Variants in BIRC3 observed in about 807,000 individuals in gnomAD.
BIRC3 encodes the protein baculoviral IAP repeat containing 3, also known as baculoviral IAP repeat-containing protein 3.
Under a neutral mutation model 59.0 loss-of-function variants are expected in BIRC3, and 26 were observed. That is an observed-to-expected ratio of 0.44 (90% CI 0.32 to 0.61). The LOEUF is 0.61. Among genes scored for constraint, BIRC3 ranks in the 20% least tolerant of loss-of-function variants. The probability of loss-of-function intolerance (pLI) is 0.04; values close to 1 mark genes in which losing one functional copy is unlikely to be tolerated. For missense variants in BIRC3, 641 were observed against 711.5 expected, an observed-to-expected ratio of 0.90 and a Z score of 1.13; for synonymous variants, 243 against 249.2, an observed-to-expected ratio of 0.98 and a Z score of 0.24.
chr11:102,332,030 T>C (rs1951147604), intron 6 of BIRC3, among the ~76,000 whole-genome samples: 1 of 152,216 alleles, frequency 6.6e-6, no homozygotes, highest in South Asian at 2.1e-4. Context: ...GTCCCCTACC[T>C]GTCCACACAA....
chr11:102,320,801 C>T (rs1951024109), intron 1 of BIRC3, among the ~76,000 whole-genome samples: 1 of 152,202 alleles, frequency 6.6e-6, no homozygotes, highest in Non-Finnish European at 1.5e-5. Flanking sequence ...TAGCAACAGT[C>T]TGTTATTGCT....
chr11:102,327,014 A>G (rs1298512630), intron 3 of BIRC3, among the ~76,000 whole-genome samples: 1 of 152,100 alleles, frequency 6.6e-6, no homozygotes, highest in Non-Finnish European at 1.5e-5. Context: ...GAGAGTAGCT[A>G]AGAGCTCTGA....
intron 3 of BIRC3, among the ~76,000 whole-genome samples, chr11:102,327,598 C>CCA (rs1951096817): frequency 6.6e-6 from 1 of 152,034 alleles, no homozygotes; most frequent in Non-Finnish European, 1.5e-5. Context: ...TGAGATCATC[C>CCA]CACTGCCCTC....
chr11:102,335,085 AC>A lies in BIRC3; in HGVS notation c.1325-880del, dbSNP rs535696043. On this transcript the variant is annotated intron_variant, in intron 6 of 8. Coordinates refer to ENST00000263464, the MANE Select transcript of BIRC3 (RefSeq NM_001165.5). The stretch of plus-strand genomic sequence containing the variant: ...GTGAAACCTCATCTCTACTAAAACT[AC>A]AAAAAATTAGCTGGATGTAGTGGCA... Among the ~76,000 whole-genome samples the A allele has an allele frequency of 8.5e-4, 130 of 152,272 alleles. 1 individual carries two copies. Among genetic ancestry groups the A allele is most frequent in the African/African-American group, 2.8e-3 (117 of 41,568 alleles).
chr11:102,321,015 C>T (rs1014561915), intron 1 of BIRC3, among the ~76,000 whole-genome samples: 3 of 152,310 alleles, frequency 2.0e-5, no homozygotes, highest in Admixed American at 2.0e-4. Flanking sequence ...AAGTCTCTTA[C>T]ATTTAAACAT....
Position 102,325,139 on chromosome 11 carries a change from A to G in BIRC3, c.630A>G (p.Gly210=), listed in dbSNP as rs1003530080. 5 of 1,614,054 alleles carry G rather than the reference A, an allele frequency of 3.1e-6. No individual in the cohort carries two copies. The African/African-American group carries it at 6.7e-5, about 22-fold the overall frequency. ...GAGTGGCTTGCTTTGCCTGTGGTGG[A>G]AAATTGAGCAATTGGGAACCGAAGG... ...GDRVACFACG[G]KLSNWEPKDN... The change falls in exon 2 of 9, where the codon GGA becomes GGG. Residue 210 remains glycine, a synonymous_variant. Transcript: ENST00000263464.
chr11:102,336,772 T>C lies in BIRC3; in HGVS notation c.1592T>C (p.Ile531Thr). The change falls in exon 8 of 9, where the codon ATA (isoleucine) becomes ACA (threonine). Residue 531 changes from isoleucine (I) to threonine (T), a missense_variant. Around this residue, in one of 4 missense-constraint regions of BIRC3, gnomAD observed 268 missense variants for 255.7 expected, o/e 1.05. Transcript: ENST00000263464. ...TTTTCTCCCTTAGTGCAACAGGACATAAAATATATTCCCACAGAAGATGTT... is the reference window on the plus strand; with the variant it reads ...TTTTCTCCCTTAGTGCAACAGGACACAAAATATATTCCCACAGAAGATGTT... ...LYEHLFVQQD[I>T]KYIPTEDVSD... 6.2e-7 allele frequency: 1 copy of C among 1,607,752 alleles called. No homozygotes were observed. Among genetic ancestry groups the C allele is most frequent in the South Asian group, 1.1e-5 (1 of 89,530 alleles).
chr11:102,339,349 C>T lies in BIRC3; in HGVS notation c.*2247C>T, dbSNP rs886790354. On this transcript the variant is annotated 3_prime_UTR_variant, in exon 9 of 9. Coordinates refer to ENST00000263464, the MANE Select transcript of BIRC3 (RefSeq NM_001165.5). ...CCATTTATTCAAATATGTTATTTCC[C>T]TAAGTGTTATTTTGACATTTTGTTT... 1.4e-4 allele frequency: 25 copies of T among 178,826 alleles called. No individual in the cohort carries two copies. The highest frequency in any genetic ancestry group is 4.4e-4 in the Admixed American group (7 of 15,848). 11.1% of individuals were successfully genotyped at this position (178,826 alleles called of 1,614,324 possible). A position where few individuals can be genotyped will look rare whatever the true frequency, so the allele number is the denominator to read the frequency against.
Position 102,336,012 on chromosome 11 carries a change from T to C in BIRC3, c.1371T>C (p.His457=), listed in dbSNP as rs780762339. 2 of 1,612,790 alleles carry C rather than the reference T, an allele frequency of 1.2e-6. No homozygotes were observed. Among genetic ancestry groups the C allele is most frequent in the Non-Finnish European group, 1.7e-6 (2 of 1,179,408 alleles). ...IRKNRMALFQ[H]LTCVIPILDS... ...AGAATAGAATGGCACTTTTTCAACATTTGACTTGTGTAATTCCAATCCTGG... is the reference window on the plus strand; with the variant it reads ...AGAATAGAATGGCACTTTTTCAACACTTGACTTGTGTAATTCCAATCCTGG... The change falls in exon 7 of 9, where the codon CAT becomes CAC. Residue 457 remains histidine (H), a synonymous_variant. Transcript: ENST00000263464.
intron 6 of BIRC3, among the ~76,000 whole-genome samples, chr11:102,335,007 G>A (rs188898811): frequency 6.4e-4 from 97 of 152,278 alleles, no homozygotes; most frequent in Admixed American, 1.5e-3. Flanking sequence ...TTTGGAGGCC[G>A]GAGTGGGCGG....
intron 7 of BIRC3, 83 bp downstream of exon 7, chr11:102,336,303 T>C: frequency 7.1e-7 from 1 of 1,408,606 alleles, no homozygotes; most frequent in Non-Finnish European, 9.5e-7. Flanking sequence ...CTACTGAAAA[T>C]AATTCAGGCT....
At chr11:102,327,538 G>A (rs1951095978) in intron 3 of BIRC3, among the ~76,000 whole-genome samples, 1 of 152,054 alleles carries the variant, frequency 6.6e-6, no homozygotes. Flanking sequence ...TACTCGGGAG[G>A]CTGAGGCACC....
Position 102,322,147 on chromosome 11 carries a change from C to T in BIRC3, c.-2363C>T, listed in dbSNP as rs1951036992. 4.9e-6 allele frequency: 1 copy of T among 205,234 alleles called. No homozygotes were observed. The highest frequency in any genetic ancestry group is 9.9e-6 in the Non-Finnish European group (1 of 100,504). The allele number at this position is 205,234 out of a possible 1,614,324, so 12.7% of individuals were successfully genotyped here. A position where few individuals can be genotyped will look rare whatever the true frequency, so the allele number is the denominator to read the frequency against. ...TTAAAGCATTTTTTTCAGAGTTGGC[C>T]AGGCAGTCTCCTACTGGCACATTCT... is the stretch of plus-strand genomic sequence containing the variant. On this transcript the variant is annotated 5_prime_UTR_variant, in exon 2 of 9. Coordinates refer to ENST00000263464, the MANE Select transcript of BIRC3 (RefSeq NM_001165.5).
chr11:102,327,110 C>T (rs1951091061), intron 3 of BIRC3, among the ~76,000 whole-genome samples: 1 of 152,170 alleles, frequency 6.6e-6, no homozygotes, highest in Admixed American at 6.5e-5. Context: ...TAGTAATCAC[C>T]TTCCTCTTGC....
At chr11:102,329,387 C>T (rs970378912) in intron 5 of BIRC3, among the ~76,000 whole-genome samples, 2 of 152,154 alleles carry the variant, frequency 1.3e-5, no homozygotes, top group African/African-American at 4.8e-5. Flanking sequence ...ATGACTTGTA[C>T]ATCACCTTAC....
intron 6 of BIRC3, among the ~76,000 whole-genome samples, chr11:102,333,687 A>C (rs1182435954): frequency 6.6e-6 from 1 of 152,192 alleles, no homozygotes; most frequent in Non-Finnish European, 1.5e-5. Context: ...CAGAGGTTGC[A>C]GTGAGCTGAG....
rs1049892357 is a variant in BIRC3, at chr11:102,322,881, T to C, written c.-1629T>C. The C allele has an allele frequency of 1.4e-5, 3 of 211,548 alleles. No homozygotes were observed. The highest frequency in any genetic ancestry group is 5.9e-5 in the Admixed American group (1 of 17,038). 13.1% of individuals were successfully genotyped at this position (211,548 alleles called of 1,614,324 possible). A position where few individuals can be genotyped will look rare whatever the true frequency, so the allele number is the denominator to read the frequency against. ...TTTACTAATGGCTAGTAAATCATAATTGAGAAATTCTGAATTTTGACAAGG... is the reference window on the plus strand; with the variant it reads ...TTTACTAATGGCTAGTAAATCATAACTGAGAAATTCTGAATTTTGACAAGG... On this transcript the variant is annotated 5_prime_UTR_variant, in exon 2 of 9. Coordinates refer to ENST00000263464, the MANE Select transcript of BIRC3 (RefSeq NM_001165.5).
At chr11:102,335,858 A>G in intron 6 of BIRC3, 108 bp from the exon 7 acceptor site, 3 of 1,152,462 alleles carry the variant, frequency 2.6e-6, no homozygotes, top group Non-Finnish European at 3.6e-6. Context: ...TCAATGCCTT[A>G]CTGATTACGA....
At chr11:102,328,841 A>G (rs1951109538) in intron 4 of BIRC3, 56 bp from the exon 5 acceptor site, 4 of 711,278 alleles carry the variant, frequency 5.6e-6, no homozygotes, top group Non-Finnish European at 7.6e-6. Context: ...TGGGTAAGAT[A>G]AGATTTCTAT....
Sources: gnomAD v4.1 joint callset for allele counts (sites outside exome capture counted in the v4.1 genomes callset) on GRCh38, gnomAD v4.1.1 for gene constraint, gnomAD v4.1.1 regional missense constraint, MANE v1.5 for transcripts, NCBI Gene and HGNC (gene_info 2026-07-23, HGNC 2026-07-21) for gene names.